Variants in FBXL7 observed in about 807,000 individuals in gnomAD.
The protein encoded by FBXL7 is F-box/LRR-repeat protein 7.
In FBXL7, 12 loss-of-function variants were observed where a neutral mutation model predicts 38.3. The observed-to-expected ratio is 0.31, with a 90% CI of 0.20 to 0.51. The LOEUF (loss-of-function observed/expected upper bound fraction) is 0.51, where lower values mean the gene tolerates loss of function less well. FBXL7 is among the 20% of genes least tolerant of loss of function. FBXL7 has a pLI of 0.98. For synonymous variants in FBXL7, 297 were observed against 300.9 expected (o/e 0.99, Z 0.13); for missense variants, 567 against 676.4 (o/e 0.84, Z 1.79).
At chr5:15,768,603 A>C (rs1453655160) in intron 2 of FBXL7, among the ~76,000 whole-genome samples, 2 of 152,212 alleles carry the variant, frequency 1.3e-5, no homozygotes, top group Non-Finnish European at 2.9e-5. Context: ...AATTTAGTAC[A>C]GAACCACCAG....
At chr5:15,546,424 A>G (rs1039176092) in intron 1 of FBXL7, among the ~76,000 whole-genome samples, 1 of 152,182 alleles carries the variant, frequency 6.6e-6, no homozygotes, top group African/African-American at 2.4e-5. Flanking sequence ...AAAGTCAGCC[A>G]GGCATGGTGG....
rs186888320 is a variant in FBXL7, at chr5:15,545,695, C to G, written c.37+44982C>G. 1.5e-4 allele frequency among the ~76,000 whole-genome samples: 23 copies of G among 152,216 alleles called. 1 individual carries two copies. The highest frequency in any genetic ancestry group is 1.2e-3 in the Admixed American group (19 of 15,284). On this transcript the variant is annotated intron_variant, in intron 1 of 3. Coordinates refer to ENST00000504595, the MANE Select transcript of FBXL7 (RefSeq NM_012304.5). Reference sequence around the variant, plus strand: ...TGCTGGGGACAAAACAGATGTTGCTCTTTATATGTTTGTAGCCTGGTTGTG... The same window carrying G: ...TGCTGGGGACAAAACAGATGTTGCTGTTTATATGTTTGTAGCCTGGTTGTG...
intron 1 of FBXL7, among the ~76,000 whole-genome samples, chr5:15,555,387 CAG>C (rs1738199644): frequency 1.3e-5 from 2 of 152,162 alleles, no homozygotes; most frequent in African/African-American, 4.8e-5. Flanking sequence ...GCATCAAAGC[CAG>C]TAACTGTGGA....
At chr5:15,903,565 T>C (rs994706002) in intron 2 of FBXL7, among the ~76,000 whole-genome samples, 1 of 152,200 alleles carries the variant, frequency 6.6e-6, no homozygotes, top group African/African-American at 2.4e-5. Context: ...AGAGTTTTTT[T>C]TGGAATATCC....
At chr5:15,777,474 T>C (rs983173738) in intron 2 of FBXL7, among the ~76,000 whole-genome samples, 1 of 151,916 alleles carries the variant, frequency 6.6e-6, no homozygotes, top group African/African-American at 2.4e-5. Flanking sequence ...AAGAGTGAAA[T>C]TGACAATGAT....
intron 1 of FBXL7, among the ~76,000 whole-genome samples, chr5:15,517,826 GA>G (rs1435643550): frequency 5.9e-5 from 9 of 152,040 alleles, no homozygotes; most frequent in East Asian, 3.9e-4. Flanking sequence ...GAATTTGGGA[GA>G]AAAAAATTGA....
intron 2 of FBXL7, among the ~76,000 whole-genome samples, chr5:15,846,073 C>G (rs1445414128): frequency 6.6e-6 from 1 of 152,244 alleles, no homozygotes; most frequent in Non-Finnish European, 1.5e-5. Flanking sequence ...GTGGATATAT[C>G]TTGGCATGTG....
At chr5:15,933,123 G>C (rs553663237) in intron 3 of FBXL7, among the ~76,000 whole-genome samples, 1 of 152,108 alleles carries the variant, frequency 6.6e-6, no homozygotes, top group Non-Finnish European at 1.5e-5. Context: ...AATAATACCT[G>C]CTGAGCCATG....
chr5:15,593,043 T>C (rs940568252), intron 1 of FBXL7, among the ~76,000 whole-genome samples: 18 of 152,220 alleles, frequency 1.2e-4, no homozygotes, highest in Admixed American at 3.3e-4. Flanking sequence ...ATTCTCCTGA[T>C]AGAGTACCAG....
rs550119566 is a variant in FBXL7, at chr5:15,630,553, T to A, written c.127+14481T>A. On this transcript the variant is annotated intron_variant, in intron 2 of 3. Coordinates refer to ENST00000504595, the MANE Select transcript of FBXL7 (RefSeq NM_012304.5). ...CAAACATTCTTAGAGAAGAAAATAA[T>A]ACTATTCTTTCCTTGTTTTATTTTA... Among the ~76,000 whole-genome samples the A allele has an allele frequency of 4.1e-4, 62 of 152,138 alleles. 1 individual carries two copies. In the Middle Eastern group the frequency reaches 0.01, roughly 25 times the overall value.
At chr5:15,595,761 C>T (rs1490259873) in intron 1 of FBXL7, among the ~76,000 whole-genome samples, 1 of 152,150 alleles carries the variant, frequency 6.6e-6, no homozygotes, top group East Asian at 1.9e-4. Flanking sequence ...TGCATTGACT[C>T]CAGCATCTGG....
intron 1 of FBXL7, among the ~76,000 whole-genome samples, chr5:15,544,491 A>C (rs1164705488): frequency 6.6e-6 from 1 of 152,186 alleles, no homozygotes; most frequent in Non-Finnish European, 1.5e-5. Context: ...TTGATTTTGC[A>C]GTTGCTCTAT....
chr5:15,876,177 C>T (rs781606416), intron 2 of FBXL7, among the ~76,000 whole-genome samples: 1 of 151,908 alleles, frequency 6.6e-6, no homozygotes, highest in Non-Finnish European at 1.5e-5. Flanking sequence ...CATGTTCTCA[C>T]TCATAAGTGG....
At position 15,873,882 on chromosome 5, in the gene FBXL7, T is replaced by C. The variant is rs1740083799; in HGVS notation, c.128-54008T>C. On this transcript the variant is annotated intron_variant, in intron 2 of 3. Transcript: ENST00000504595. ...TTCCTTCTGAAACTATTCCAAACGATAGAAAAAGAGGGAATCCTCCCTAAC... is the reference window on the plus strand; with the variant it reads ...TTCCTTCTGAAACTATTCCAAACGACAGAAAAAGAGGGAATCCTCCCTAAC... 2.6e-5 allele frequency among the ~76,000 whole-genome samples: 4 copies of C among 152,018 alleles called. No homozygotes were observed. The South Asian group carries it at 6.2e-4, about 24-fold the overall frequency.
chr5:15,927,588 A>C (rs1164949865), intron 2 of FBXL7, among the ~76,000 whole-genome samples: 2 of 152,010 alleles, frequency 1.3e-5, no homozygotes, highest in African/African-American at 4.8e-5. Flanking sequence ...ACTGGCCAAC[A>C]TGGTAAAACC....
chr5:15,751,007 T>G (rs548150963), intron 2 of FBXL7, among the ~76,000 whole-genome samples: 2 of 152,304 alleles, frequency 1.3e-5, no homozygotes, highest in South Asian at 4.1e-4. Context: ...CTGTGACAGC[T>G]TTATACCTGT....
intron 2 of FBXL7, among the ~76,000 whole-genome samples, chr5:15,797,724 A>C (rs888766945): frequency 2.0e-5 from 3 of 152,228 alleles, no homozygotes; most frequent in African/African-American, 7.2e-5. Flanking sequence ...GAATGGTTAC[A>C]TGTTGGATAG....
At position 15,522,145 on chromosome 5, in the gene FBXL7, G is replaced by A. The variant is rs115231691; in HGVS notation, c.37+21432G>A. The stretch of plus-strand genomic sequence containing the variant: ...AACTTTGGGCATGACTTCTCAGTTT[G>A]ATTGGCTCCTTCATTACTATTTTAT... On this transcript the variant is annotated intron_variant, in intron 1 of 3. Coordinates refer to ENST00000504595, the MANE Select transcript of FBXL7 (RefSeq NM_012304.5). Among the ~76,000 whole-genome samples the A allele has an allele frequency of 9.4e-3, 1,434 of 152,280 alleles. 22 individuals carry two copies. The highest frequency in any genetic ancestry group is 0.033 in the African/African-American group (1,369 of 41,566).
At chr5:15,506,799 C>T (rs139646441) in intron 1 of FBXL7, among the ~76,000 whole-genome samples, 2 of 151,782 alleles carry the variant, frequency 1.3e-5, no homozygotes, top group Admixed American at 1.3e-4. Flanking sequence ...TAATTACCTC[C>T]TACAGGCCCC....
Sources: gnomAD v4.1 joint callset for allele counts (sites outside exome capture counted in the v4.1 genomes callset) on GRCh38, gnomAD v4.1.1 for gene constraint, MANE v1.5 for transcripts, NCBI Gene and HGNC (gene_info 2026-07-23, HGNC 2026-07-21) for gene names.